The following EZR variants were observed in gnomAD, a reference collection of about 807,000 sequenced individuals.
The protein encoded by EZR is ezrin.
Under a neutral mutation model 74.8 loss-of-function variants are expected in EZR, and 40 were observed. The ratio of observed to expected loss-of-function variants is 0.53; its 90% CI spans 0.42 to 0.70. EZR has a LOEUF of 0.70. Ranked by LOEUF, EZR falls within the 30% of genes least tolerant of loss-of-function variation. The probability of loss-of-function intolerance (pLI) is 0.00; values close to 1 mark genes in which losing one functional copy is unlikely to be tolerated. For missense variants in EZR, 678 were observed against 755.8 expected (o/e 0.90, Z 1.21); for synonymous variants, 341 against 283.3 (o/e 1.20, Z -2.05).
intron 5 of EZR, 105 bp downstream of exon 5, chr6:158,785,204 C>T (rs1048146651): frequency 7.1e-7 from 1 of 1,418,022 alleles, no homozygotes; most frequent in Non-Finnish European, 9.6e-7. Context: ...GCACTTGACA[C>T]TGGCGAAGTC....
At chr6:158,784,801 C>T in intron 5 of EZR, 74 bp from the exon 6 acceptor site, 17 of 1,238,230 alleles carry the variant, frequency 1.4e-5, no homozygotes, top group Non-Finnish European at 1.9e-5. Context: ...CACTTACCAC[C>T]CACATTCAAA....
chr6:158,773,235 T>C (rs936739420), intron 8 of EZR, among the ~76,000 whole-genome samples: 2 of 152,100 alleles, frequency 1.3e-5, no homozygotes, highest in African/African-American at 4.8e-5. Context: ...ATGGTTAACA[T>C]AACAATGTCT....
At chr6:158,816,596 T>C (rs1181865539) in intron 2 of EZR, among the ~76,000 whole-genome samples, 1 of 152,248 alleles carries the variant, frequency 6.6e-6, no homozygotes, top group Non-Finnish European at 1.5e-5. Flanking sequence ...AGCCTCGATG[T>C]CACGTGTCAC....
chr6:158,785,454 C>T lies in EZR; in HGVS notation c.322G>A (p.Glu108Lys), dbSNP rs140739629. ...TAGATCTCATCGCTAAGGATTCCTT[C>T]CTTCACTTGGAGGAAGAAAAGTTTC... is the stretch of plus-strand genomic sequence containing the variant. Reference protein sequence around the residue: ...TQKLFFLQVKEGILSDEIYCP... With the variant: ...TQKLFFLQVKKGILSDEIYCP... Residue 108 changes from glutamate (E) to lysine (K), a missense_variant, in exon 5 of 14, where the codon GAA (glutamate) becomes AAA (lysine). Around this residue, in one of 3 missense-constraint regions of EZR, gnomAD observed 217 missense variants for 232.2 expected, o/e 0.93. Coordinates refer to ENST00000367075, the MANE Select transcript of EZR (RefSeq NM_001111077.2). 3 of 1,614,098 alleles carry T rather than the reference C, an allele frequency of 1.9e-6. No homozygotes were observed. In the African/African-American group the frequency reaches 4.0e-5, roughly 22 times the overall value.
At chr6:158,770,743 G>GGGT in intron 10 of EZR, 21 bp downstream of exon 10, 1 of 1,614,030 alleles carries the variant, frequency 6.2e-7, no homozygotes, top group Non-Finnish European at 8.5e-7. Context: ...AGTGTAGAGT[G>GGGT]CCAGCCCCAG....
intron 2 of EZR, among the ~76,000 whole-genome samples, chr6:158,800,761 C>T (rs957668626): frequency 2.0e-5 from 3 of 152,064 alleles, no homozygotes; most frequent in African/African-American, 7.2e-5. Context: ...GAGATTGCAC[C>T]ACTGCACTCC....
At chr6:158,785,694 A>G in intron 4 of EZR, 111 bp from the exon 5 acceptor site, 1 of 1,338,690 alleles carries the variant, frequency 7.5e-7, no homozygotes, top group Non-Finnish European at 1.0e-6. Context: ...AGTTTTCAGG[A>G]GATATTTATT....
intron 2 of EZR, 71 bp from the exon 3 acceptor site, chr6:158,789,442 T>TA: frequency 2.2e-6 from 3 of 1,368,966 alleles, no homozygotes; most frequent in Non-Finnish European, 3.1e-6. Context: ...CTGCACCTTC[T>TA]ACATAAGCTG....
Position 158,767,239 on chromosome 6 carries a change from GAC to G in EZR, c.1596+20_1596+21del, listed in dbSNP as rs372234987. On this transcript the variant is annotated intron_variant, in intron 13 of 13. Transcript: ENST00000367075. Reference sequence around the variant, plus strand: ...CCAAAAGCGAGGCAGGCTCCCTGGAGACAGAGCCCCTTGGGCCTCACCAGCAG... The same window carrying G: ...CCAAAAGCGAGGCAGGCTCCCTGGAGAGAGCCCCTTGGGCCTCACCAGCAG... 249 of 1,601,624 alleles carry G rather than the reference GAC, an allele frequency of 1.6e-4. 1 individual carries two copies. In the East Asian group the frequency reaches 5.5e-3, roughly 35 times the overall value.
At chr6:158,787,369 T>A (rs1411998912) in intron 3 of EZR, among the ~76,000 whole-genome samples, 166 bp from the exon 4 acceptor site, 4 of 152,216 alleles carry the variant, frequency 2.6e-5, no homozygotes, top group African/African-American at 9.6e-5. Flanking sequence ...AATAACTTGT[T>A]ACTAACTGAG....
intron 4 of EZR, 83 bp from the exon 5 acceptor site, chr6:158,785,666 C>A: frequency 1.3e-6 from 2 of 1,517,660 alleles, no homozygotes; most frequent in Non-Finnish European, 1.8e-6. Flanking sequence ...AACCAAGACT[C>A]AATGGGGCCC....
intron 7 of EZR, among the ~76,000 whole-genome samples, chr6:158,782,114 G>C (rs931151371): frequency 2.0e-5 from 3 of 152,126 alleles, no homozygotes; most frequent in African/African-American, 4.8e-5. Flanking sequence ...GGAGCGAACC[G>C]AGAGTCCTCA....
intron 12 of EZR, among the ~76,000 whole-genome samples, 155 bp from the exon 13 acceptor site, chr6:158,767,667 T>A (rs542417831): frequency 1.3e-5 from 2 of 152,268 alleles, no homozygotes; most frequent in African/African-American, 4.8e-5. Context: ...TCAGGGTGCA[T>A]GGGGGGTTTA....
intron 2 of EZR, among the ~76,000 whole-genome samples, chr6:158,816,784 G>GT (rs1261647425): frequency 9.2e-5 from 14 of 152,094 alleles, no homozygotes; most frequent in Admixed American, 1.3e-4. Flanking sequence ...AACATAAAAT[G>GT]TAACAGAAGA....
At chr6:158,795,093 A>C (rs1484967119) in intron 2 of EZR, among the ~76,000 whole-genome samples, 1 of 151,952 alleles carries the variant, frequency 6.6e-6, no homozygotes, top group Non-Finnish European at 1.5e-5. Flanking sequence ...CTCTACTAAA[A>C]ATATAAAAAT....
intron 7 of EZR, among the ~76,000 whole-genome samples, chr6:158,781,802 C>A (rs1441895319): frequency 6.6e-6 from 1 of 152,026 alleles, no homozygotes; most frequent in Non-Finnish European, 1.5e-5. Flanking sequence ...CTCGCTCTGT[C>A]ACCCAGGCTA....
intron 8 of EZR, 36 bp from the exon 9 acceptor site, chr6:158,771,443 C>G: frequency 1.9e-6 from 3 of 1,540,066 alleles, no homozygotes; most frequent in Non-Finnish European, 2.6e-6. Flanking sequence ...GACTCAAGCT[C>G]CTTCGTTTGG....
chr6:158,768,819 G>GCTA (rs1310758030), intron 12 of EZR, among the ~76,000 whole-genome samples: 3 of 152,184 alleles, frequency 2.0e-5, no homozygotes, highest in African/African-American at 7.2e-5. Flanking sequence ...AAGAAGTGAT[G>GCTA]CTACTAGCCC....
chr6:158,800,311 GCT>G (rs1777162348), intron 2 of EZR, among the ~76,000 whole-genome samples: 1 of 152,100 alleles, frequency 6.6e-6, no homozygotes, highest in African/African-American at 2.4e-5. Flanking sequence ...ACTGGTCAGG[GCT>G]CTTCTCTAAT....
Sources: gnomAD v4.1 joint callset for allele counts (sites outside exome capture counted in the v4.1 genomes callset) on GRCh38, gnomAD v4.1.1 for gene constraint, gnomAD v4.1.1 regional missense constraint, MANE v1.5 for transcripts, NCBI Gene and HGNC (gene_info 2026-07-23, HGNC 2026-07-21) for gene names.